Variants in MPHOSPH9 observed in about 807,000 individuals in gnomAD.
The protein encoded by MPHOSPH9 is M-phase phosphoprotein 9.
Under a neutral mutation model 145.5 loss-of-function variants are expected in MPHOSPH9, and 88 were observed. The observed-to-expected ratio is 0.60, with a 90% CI of 0.51 to 0.72. The LOEUF (loss-of-function observed/expected upper bound fraction) is 0.72. Among genes scored for constraint, MPHOSPH9 ranks in the 30% least tolerant of loss-of-function variants. MPHOSPH9 has a pLI of 0.00. For missense variants in MPHOSPH9, 1,238 were observed against 1,386.6 expected (o/e 0.89, Z 1.70); for synonymous variants, 435 against 486.2 (o/e 0.89, Z 1.39).
intron 5 of MPHOSPH9, among the ~76,000 whole-genome samples, chr12:123,220,800 A>G (rs1352449544): frequency 6.6e-6 from 1 of 152,106 alleles, no homozygotes; most frequent in Non-Finnish European, 1.5e-5. Context: ...TCACACCTGT[A>G]ATCCCAGCAC....
At chr12:123,232,064 C>G (rs2047662870) in intron 1 of MPHOSPH9, among the ~76,000 whole-genome samples, 2 of 151,380 alleles carry the variant, frequency 1.3e-5, no homozygotes, top group Admixed American at 1.3e-4. Flanking sequence ...GGACTTTTCC[C>G]CAGTGGCTCA....
intron 14 of MPHOSPH9, 95 bp from the exon 15 acceptor site, chr12:123,180,085 C>A: frequency 1.6e-6 from 1 of 624,916 alleles, no homozygotes. Context: ...AAGGCTAAAC[C>A]AACTAGCTAC....
At chr12:123,161,405 G>T in intron 21 of MPHOSPH9, 22 bp from the exon 22 acceptor site, 1 of 1,610,790 alleles carries the variant, frequency 6.2e-7, no homozygotes, top group Non-Finnish European at 8.5e-7. Context: ...GAGAGAAATT[G>T]CTTATATTTC....
chr12:123,178,569 G>C (rs761785918), intron 15 of MPHOSPH9, among the ~76,000 whole-genome samples: 1 of 152,112 alleles, frequency 6.6e-6, no homozygotes, highest in Non-Finnish European at 1.5e-5. Context: ...TGTCACCCAG[G>C]CTGGAGTGCA....
At chr12:123,157,991 T>A (rs1716162) in intron 23 of MPHOSPH9, among the ~76,000 whole-genome samples, 97,135 of 151,822 alleles carry the variant, frequency 0.64, 35,441 homozygotes, top group East Asian at 0.97. Flanking sequence ...ATTTTATTTT[T>A]TTTTTTTTGG....
intron 6 of MPHOSPH9, among the ~76,000 whole-genome samples, chr12:123,215,228 C>A (rs1166302695): frequency 6.6e-6 from 1 of 151,750 alleles, no homozygotes; most frequent in Non-Finnish European, 1.5e-5. Context: ...GGCAACAGAG[C>A]AAGACTCTGT....
At chr12:123,231,135 A>G (rs767936682) in intron 1 of MPHOSPH9, among the ~76,000 whole-genome samples, 5 of 152,198 alleles carry the variant, frequency 3.3e-5, no homozygotes, top group Admixed American at 6.5e-5. Context: ...TCAGATTTTT[A>G]TATGTTTAAT....
At chr12:123,189,422 G>T (rs1449968465) in intron 13 of MPHOSPH9, among the ~76,000 whole-genome samples, 1 of 152,134 alleles carries the variant, frequency 6.6e-6, no homozygotes, top group Non-Finnish European at 1.5e-5. Context: ...TACCCTAGAG[G>T]CGCTTGCACA....
chr12:123,187,940 A>T (rs1377766423), intron 13 of MPHOSPH9, among the ~76,000 whole-genome samples: 1 of 152,170 alleles, frequency 6.6e-6, no homozygotes, highest in Non-Finnish European at 1.5e-5. Flanking sequence ...AGCCTGGCCA[A>T]CATGGTGAAA....
At chr12:123,164,206 T>G in intron 18 of MPHOSPH9, 116 bp from the exon 19 acceptor site, 4 of 1,165,710 alleles carry the variant, frequency 3.4e-6, no homozygotes, top group Non-Finnish European at 5.0e-6. Flanking sequence ...CCCCACAGCT[T>G]AGGTTCTGCT....
intron 2 of MPHOSPH9, 129 bp downstream of exon 2, chr12:123,230,132 T>G: frequency 1.6e-6 from 1 of 611,546 alleles, no homozygotes; most frequent in East Asian, 3.2e-5. Flanking sequence ...TCCCTGAACA[T>G]TCTTGATGAT....
At chr12:123,217,796 C>T (rs1022211748) in intron 6 of MPHOSPH9, among the ~76,000 whole-genome samples, 2 of 152,064 alleles carry the variant, frequency 1.3e-5, no homozygotes, top group Non-Finnish European at 2.9e-5. Flanking sequence ...ATAATCCCTG[C>T]ACTTTGGGAG....
At chr12:123,205,445 C>T (rs947130878) in intron 8 of MPHOSPH9, among the ~76,000 whole-genome samples, 11 of 152,032 alleles carry the variant, frequency 7.2e-5, no homozygotes, top group Non-Finnish European at 1.3e-4. Flanking sequence ...ACTTGGGAGG[C>T]TGAAGCAGGA....
intron 4 of MPHOSPH9, 62 bp downstream of exon 4, chr12:123,222,976 G>A: frequency 5.1e-6 from 4 of 777,542 alleles, no homozygotes; most frequent in East Asian, 3.4e-5. Flanking sequence ...GTGTGTGTGT[G>A]TGTGTATATG....
At chr12:123,189,827 T>C (rs950593458) in intron 13 of MPHOSPH9, among the ~76,000 whole-genome samples, 2 of 151,124 alleles carry the variant, frequency 1.3e-5, no homozygotes, top group African/African-American at 2.4e-5. Context: ...TCCCAGCTAC[T>C]AGGGAGGCTG....
At position 123,227,524 on chromosome 12, in the gene MPHOSPH9, G is replaced by C; in HGVS notation, c.197C>G (p.Ser66Cys). 6.5e-7 allele frequency: 1 copy of C among 1,531,122 alleles called. No homozygotes were observed. The highest frequency in any genetic ancestry group is 8.7e-7 in the Non-Finnish European group (1 of 1,143,766). 94.8% of individuals were successfully genotyped at this position (1,531,122 alleles called of 1,614,324 possible). The change falls in exon 3 of 24, where the codon TCT becomes TGT. Residue 66 changes from serine (S) to cysteine (C), a missense_variant. Coordinates refer to ENST00000606320, the MANE Select transcript of MPHOSPH9 (RefSeq NM_022782.4). ...VIQGTVEVLT[S>C]LMQELQNSGK... is the part of the protein sequence containing the mutation. ...ACTGTTTTGTAGCTCTTGCATTAAA[G>C]AAGTTAGGACTTCAACTGTACCTTG...
At chr12:123,193,071 CAAAAAAA>C (rs768866302) in intron 13 of MPHOSPH9, among the ~76,000 whole-genome samples, 8,296 of 23,768 alleles carry the variant, frequency 0.35, 1,437 homozygotes, top group Non-Finnish European at 0.46. Flanking sequence ...GATTGTCTTT[CAAAAAAA>C]AAAAAAAAAA....
At chr12:123,241,768 GCCAC>G (rs1404707437) in intron 1 of MPHOSPH9, among the ~76,000 whole-genome samples, 5 of 152,220 alleles carry the variant, frequency 3.3e-5, no homozygotes, top group African/African-American at 1.2e-4. Flanking sequence ...GTTTGCTCCG[GCCAC>G]AGGCCTTGTT....
At chr12:123,243,591 G>C (rs1799002681) in intron 1 of MPHOSPH9, among the ~76,000 whole-genome samples, 1 of 151,672 alleles carries the variant, frequency 6.6e-6, no homozygotes, top group Non-Finnish European at 1.5e-5. Context: ...TGTAGTCCCA[G>C]CTACTCGGGA....
Sources: allele counts gnomAD v4.1 joint callset (sites outside exome capture counted in the v4.1 genomes callset), GRCh38; gene constraint gnomAD v4.1.1; transcripts MANE v1.5; gene names NCBI Gene and HGNC (gene_info 2026-07-23, HGNC 2026-07-21).